GPR158: variants seen among roughly 807,000 people sequenced by gnomAD.
The protein encoded by GPR158 is metabotropic glycine receptor.
In GPR158, 30 loss-of-function variants were observed where a neutral mutation model predicts 78.2. That is an observed-to-expected ratio of 0.38 (90% CI 0.29 to 0.52). The LOEUF is 0.52. Among genes scored for constraint, GPR158 ranks in the 20% least tolerant of loss-of-function variants. The pLI, the probability that GPR158 is intolerant of heterozygous loss-of-function variation, is 0.83. For missense variants in GPR158, 1,463 were observed against 1,523.5 expected (o/e 0.96, Z 0.66); for synonymous variants, 581 against 591.1 (o/e 0.98, Z 0.25).
chr10:25,375,419 T>G (rs1045975960), intron 2 of GPR158, among the ~76,000 whole-genome samples: 12 of 151,440 alleles, frequency 7.9e-5, no homozygotes, highest in African/African-American at 2.9e-4. Flanking sequence ...GTTTCTGATG[T>G]CAAGTCTAAA....
intron 4 of GPR158, among the ~76,000 whole-genome samples, chr10:25,439,816 A>C (rs1248303212): frequency 6.6e-6 from 1 of 152,208 alleles, no homozygotes; most frequent in African/African-American, 2.4e-5. Flanking sequence ...TAGTGCAAAG[A>C]ACAATTGTCT....
intron 2 of GPR158, among the ~76,000 whole-genome samples, chr10:25,283,747 A>G (rs938869538): frequency 4.6e-5 from 7 of 152,020 alleles, no homozygotes; most frequent in African/African-American, 1.7e-4. Flanking sequence ...ATCTAAAACA[A>G]TTAATTTTAC....
chr10:25,565,315 A>G (rs1264087281), intron 6 of GPR158, among the ~76,000 whole-genome samples: 1 of 152,204 alleles, frequency 6.6e-6, no homozygotes, highest in East Asian at 1.9e-4. Flanking sequence ...ATAATTGGAG[A>G]AAATTTTGTG....
chr10:25,302,374 G>A (rs2130449910), intron 2 of GPR158, among the ~76,000 whole-genome samples: 1 of 151,952 alleles, frequency 6.6e-6, no homozygotes, highest in South Asian at 2.1e-4. Context: ...GTGAGCCACC[G>A]CGCCCGGCCA....
At chr10:25,215,498 T>A (rs764590121) in intron 1 of GPR158, among the ~76,000 whole-genome samples, 2 of 151,964 alleles carry the variant, frequency 1.3e-5, no homozygotes, top group South Asian at 4.2e-4. Context: ...TTAAAAATGG[T>A]TAAGATGGTA....
chr10:25,551,094 A>AT lies in GPR158; in HGVS notation c.1514+13dup, dbSNP rs1554812976. The AT allele has an allele frequency of 1.2e-5, 17 of 1,379,068 alleles. No homozygotes were observed. Among genetic ancestry groups the AT allele is most frequent in the Non-Finnish European group, 1.7e-5 (16 of 965,944 alleles). The allele number at this position is 1,379,068 out of a possible 1,614,324, so 85.4% of individuals were successfully genotyped here. A position where few individuals can be genotyped will look rare whatever the true frequency, so the allele number is the denominator to read the frequency against. On this transcript the variant is annotated intron_variant, in intron 6 of 10. Transcript: ENST00000376351. ...ACTCTCAAACTTCACAGGTATATAC[A>AT]TTTTATTCATCGTCATTCTCATGGA...
intron 2 of GPR158, among the ~76,000 whole-genome samples, chr10:25,246,063 A>G (rs551872421): frequency 8.5e-5 from 13 of 152,344 alleles, no homozygotes; most frequent in African/African-American, 3.1e-4. Flanking sequence ...TCTATTCTAA[A>G]TTGATATAAG....
intron 2 of GPR158, among the ~76,000 whole-genome samples, chr10:25,361,462 T>A (rs1855639562): frequency 6.6e-6 from 1 of 151,962 alleles, no homozygotes; most frequent in East Asian, 1.9e-4. Flanking sequence ...AGAAGTAGAA[T>A]TGCAGGATCA....
At position 25,491,982 on chromosome 10, in the gene GPR158, A is replaced by C. The variant is rs551823442; in HGVS notation, c.1404+25263A>C. Among the ~76,000 whole-genome samples, 7 of 152,288 alleles carry C rather than the reference A, an allele frequency of 4.6e-5. No homozygotes were observed. In the East Asian group the frequency reaches 1.4e-3, roughly 29 times the overall value. On this transcript the variant is annotated intron_variant, in intron 5 of 10. Coordinates refer to ENST00000376351, the MANE Select transcript of GPR158 (RefSeq NM_020752.3). The stretch of plus-strand genomic sequence containing the variant: ...CCTGAGGCTGGGTAATTTATAAAGA[A>C]AAGAGGTGTATTTGGCTCATGGTTC...
chr10:25,385,021 A>T (rs1437695991), intron 2 of GPR158, among the ~76,000 whole-genome samples: 3 of 152,140 alleles, frequency 2.0e-5, no homozygotes, highest in Non-Finnish European at 4.4e-5. Flanking sequence ...TTAACTGTAC[A>T]ATTTGGTAAT....
At chr10:25,384,727 C>T (rs145240902) in intron 2 of GPR158, among the ~76,000 whole-genome samples, 1 of 151,522 alleles carries the variant, frequency 6.6e-6, no homozygotes, top group African/African-American at 2.4e-5. Flanking sequence ...CCTGTATGCA[C>T]CTCATCTTAG....
intron 2 of GPR158, among the ~76,000 whole-genome samples, chr10:25,237,808 C>A (rs536990035): frequency 6.6e-6 from 1 of 152,230 alleles, no homozygotes; most frequent in Non-Finnish European, 1.5e-5. Flanking sequence ...AGATTATGTT[C>A]TCAACATCAA....
chr10:25,500,116 C>T (rs1482148781), intron 5 of GPR158, among the ~76,000 whole-genome samples: 1 of 152,126 alleles, frequency 6.6e-6, no homozygotes, highest in African/African-American at 2.4e-5. Flanking sequence ...GAACTTTTCA[C>T]TTACATGTGA....
chr10:25,189,247 C>G (rs1588725588), intron 1 of GPR158, among the ~76,000 whole-genome samples: 1 of 152,154 alleles, frequency 6.6e-6, no homozygotes. Context: ...GGATCTAGAA[C>G]TAGAAATGCC....
At chr10:25,564,029 C>T (rs1836895722) in intron 6 of GPR158, among the ~76,000 whole-genome samples, 1 of 151,966 alleles carries the variant, frequency 6.6e-6, no homozygotes, top group South Asian at 2.1e-4. Flanking sequence ...CCATCCTTTC[C>T]AGGCTGGTTT....
intron 2 of GPR158, among the ~76,000 whole-genome samples, chr10:25,361,317 T>C (rs1855635976): frequency 6.6e-6 from 1 of 151,928 alleles, no homozygotes; most frequent in African/African-American, 2.4e-5. Flanking sequence ...ATACCACATT[T>C]TGCTTATTGT....
chr10:25,334,152 A>G (rs750783950), intron 2 of GPR158, among the ~76,000 whole-genome samples: 2 of 152,270 alleles, frequency 1.3e-5, no homozygotes, highest in African/African-American at 2.4e-5. Flanking sequence ...GAATTTTTAA[A>G]AAGACAACAG....
At chr10:25,189,802 TA>T (rs1168911746) in intron 1 of GPR158, among the ~76,000 whole-genome samples, 1,794 of 127,348 alleles carry the variant, frequency 0.014, 30 homozygotes, top group African/African-American at 0.045. Flanking sequence ...AAAAAACCTT[TA>T]AAAAAAAAAA....
intron 7 of GPR158, among the ~76,000 whole-genome samples, 191 bp from the exon 8 acceptor site, chr10:25,588,816 C>T (rs1304204616): frequency 1.3e-5 from 2 of 152,068 alleles, no homozygotes; most frequent in Admixed American, 1.3e-4. Flanking sequence ...ACAAAGTGTA[C>T]CCTTTGAAAA....
Sources: allele counts gnomAD v4.1 joint callset (sites outside exome capture counted in the v4.1 genomes callset), GRCh38; gene constraint gnomAD v4.1.1; transcripts MANE v1.5; gene names NCBI Gene and HGNC (gene_info 2026-07-23, HGNC 2026-07-21).